TNFAIP6: variants seen among roughly 807,000 people sequenced by gnomAD.
TNFAIP6 encodes tumor necrosis factor-inducible gene 6 protein.
In TNFAIP6, 36 loss-of-function variants were observed where a neutral mutation model predicts 33.7. That is an observed-to-expected ratio of 1.07 (90% CI 0.82 to 1.41). The LOEUF is 1.41. Among genes scored for constraint, TNFAIP6 ranks in the 40% most tolerant of loss-of-function variants. The pLI, the probability that TNFAIP6 is intolerant of heterozygous loss-of-function variation, is 0.00. For missense variants in TNFAIP6, 273 were observed against 331.9 expected (o/e 0.82, Z 1.38); for synonymous variants, 113 against 112.8 (o/e 1.00, Z -0.01).
chr2:151,379,397 C>CT lies in TNFAIP6; in HGVS notation c.700dup (p.Ser234PhefsTer34), dbSNP rs752022542. 6.9e-6 allele frequency: 11 copies of CT among 1,603,972 alleles called. No individual in the cohort carries two copies. Among genetic ancestry groups the CT allele is most frequent in the Non-Finnish European group, 9.3e-6 (11 of 1,176,568 alleles). Reference sequence around the variant, plus strand: ...ATGACCTTGAAGTTTCTAAGTGATGCTTCAGTGACAGCTGGAGGTTTCCAA... The same window carrying CT: ...ATGACCTTGAAGTTTCTAAGTGATGCTTTCAGTGACAGCTGGAGGTTTCCAA... On this transcript the variant is annotated frameshift_variant, in exon 6 of 6. Coordinates refer to ENST00000243347, the MANE Select transcript of TNFAIP6 (RefSeq NM_007115.4). LOFTEE classifies it high-confidence loss of function.
chr2:151,367,857 A>G (rs1376971224), intron 3 of TNFAIP6, among the ~76,000 whole-genome samples: 1 of 144,470 alleles, frequency 6.9e-6, no homozygotes, highest in East Asian at 2.0e-4. Context: ...TCACTGGAAT[A>G]AAAAAAAAAA....
At position 151,370,220 on chromosome 2, in the gene TNFAIP6, T is replaced by TA. The variant is rs1684791702; in HGVS notation, c.596dup (p.Tyr199Ter). ...LADYVEIYDS[Y>*]DDVHGFVGRY... is the part of the protein sequence containing the mutation. Reference sequence around the variant, plus strand: ...TGATTATGTTGAAATATATGACAGTTACGATGATGTCCATGGCTTTGTGGG... The same window carrying TA: ...TGATTATGTTGAAATATATGACAGTTAACGATGATGTCCATGGCTTTGTGGG... The change falls in exon 4 of 6, where the codon TAC (tyrosine) becomes TAAC (stop). Residue 199 changes from tyrosine (Y) to a stop codon, truncating the protein, a stop_gained and frameshift_variant. Coordinates refer to ENST00000243347, the MANE Select transcript of TNFAIP6 (RefSeq NM_007115.4). LOFTEE classifies it high-confidence loss of function. The TA allele has an allele frequency of 6.2e-7, 1 of 1,613,988 alleles. No homozygotes were observed. The highest frequency in any genetic ancestry group is 8.5e-7 in the Non-Finnish European group (1 of 1,179,992).
chr2:151,378,675 G>A (rs1232209385), intron 5 of TNFAIP6, among the ~76,000 whole-genome samples: 3 of 151,724 alleles, frequency 2.0e-5, no homozygotes, highest in African/African-American at 7.3e-5. Context: ...TTTTAATAGA[G>A]ACGGGGATTC....
chr2:151,358,286 C>A (rs369417436), intron 1 of TNFAIP6, among the ~76,000 whole-genome samples: 3 of 152,296 alleles, frequency 2.0e-5, no homozygotes, highest in Admixed American at 1.3e-4. Context: ...AAAAATGTTT[C>A]TCCTTCTGAA....
At chr2:151,370,935 G>T (rs191187863) in intron 4 of TNFAIP6, among the ~76,000 whole-genome samples, 2 of 152,042 alleles carry the variant, frequency 1.3e-5, no homozygotes, top group Non-Finnish European at 2.9e-5. Context: ...GCCGGGCGTG[G>T]TGGCAGGCGC....
rs199993884 is a variant in TNFAIP6, at chr2:151,374,974, A to C, written c.664+1385A>C. Among the ~76,000 whole-genome samples the C allele has an allele frequency of 8.5e-5, 13 of 152,130 alleles. No individual in the cohort carries two copies. The East Asian group carries it at 2.5e-3, about 29-fold the overall frequency. On this transcript the variant is annotated intron_variant, in intron 5 of 5. Transcript: ENST00000243347. Reference sequence around the variant, plus strand: ...AACACCGTCTCTACCAGAAATACAAAATTAGCCAGGCGTGGAGGCACATGC... The same window carrying C: ...AACACCGTCTCTACCAGAAATACAACATTAGCCAGGCGTGGAGGCACATGC...
At position 151,357,598 on chromosome 2, in the gene TNFAIP6, A is replaced by T. The variant is rs1035152486; in HGVS notation, c.-69A>T. ...TGTGGAAACCAGATGTTTCAGTCAC[A>T]TTTCAGCCACTGCTCTGAGAATTTG... On this transcript the variant is annotated 5_prime_UTR_variant, in exon 1 of 6. Coordinates refer to ENST00000243347, the MANE Select transcript of TNFAIP6 (RefSeq NM_007115.4). 1 of 973,498 alleles carries T rather than the reference A, an allele frequency of 1.0e-6. No homozygotes were observed. The highest frequency in any genetic ancestry group is 1.7e-6 in the Non-Finnish European group (1 of 602,244). The allele number at this position is 973,498 out of a possible 1,614,324, so 60.3% of individuals were successfully genotyped here.
intron 1 of TNFAIP6, among the ~76,000 whole-genome samples, chr2:151,359,517 T>C (rs965926322): frequency 4.6e-5 from 7 of 151,696 alleles, no homozygotes; most frequent in African/African-American, 1.7e-4. Flanking sequence ...GCCTCCCAAG[T>C]AGCTGGGACT....
Position 151,366,052 on chromosome 2 carries a change from G to T in TNFAIP6, c.233-4G>T, listed in dbSNP as rs1684703510. The T allele has an allele frequency of 6.2e-7, 1 of 1,613,130 alleles. No homozygotes were observed. Among genetic ancestry groups the T allele is most frequent in the South Asian group, 1.1e-5 (1 of 91,022 alleles). On this transcript the variant is annotated splice_polypyrimidine_tract_variant and splice_region_variant and intron_variant, in intron 2 of 5. Transcript: ENST00000243347. The stretch of plus-strand genomic sequence containing the variant: ...TTAGTCCATAACTCTTTTTCTTCTT[G>T]CAGGATTTCATGTCTGTGCTGCTGG...
At position 151,373,541 on chromosome 2, in the gene TNFAIP6, C is replaced by A; in HGVS notation, c.624-8C>A. ...TGTGACATCTCTTTTCTAAAAATTC[C>A]TTTTCAGATACTGTGGAGATGAGCT... On this transcript the variant is annotated splice_polypyrimidine_tract_variant and splice_region_variant and intron_variant, in intron 4 of 5. Coordinates refer to ENST00000243347, the MANE Select transcript of TNFAIP6 (RefSeq NM_007115.4). 1 of 1,530,946 alleles carries A rather than the reference C, an allele frequency of 6.5e-7. No individual in the cohort carries two copies. The highest frequency in any genetic ancestry group is 8.8e-7 in the Non-Finnish European group (1 of 1,131,476). 94.8% of individuals were successfully genotyped at this position (1,530,946 alleles called of 1,614,324 possible). A position where few individuals can be genotyped will look rare whatever the true frequency, so the allele number is the denominator to read the frequency against.
At chr2:151,370,935 G>A (rs191187863) in intron 4 of TNFAIP6, among the ~76,000 whole-genome samples, 1 of 152,160 alleles carries the variant, frequency 6.6e-6, no homozygotes, top group Admixed American at 6.5e-5. Flanking sequence ...GCCGGGCGTG[G>A]TGGCAGGCGC....
chr2:151,359,951 A>C (rs1309197317), intron 1 of TNFAIP6, among the ~76,000 whole-genome samples: 1 of 152,234 alleles, frequency 6.6e-6, no homozygotes, highest in Non-Finnish European at 1.5e-5. Context: ...GGATCATGAG[A>C]ATAAAAAATG....
At chr2:151,366,270 A>G (rs949276156) in intron 3 of TNFAIP6, 53 bp downstream of exon 3, 3 of 1,530,406 alleles carry the variant, frequency 2.0e-6, no homozygotes, top group African/African-American at 2.8e-5. Flanking sequence ...CATGCTGCTA[A>G]GAGGTTGTTA....
rs1330074240 is a variant in TNFAIP6, at chr2:151,370,114, G to T, written c.489G>T (p.Trp163Cys). The change falls in exon 4 of 6, where the codon TGG (tryptophan) becomes TGT (cysteine). Residue 163 changes from tryptophan (W) to cysteine (C), a missense_variant. Physicochemically the swap from Trp to Cys is radical, Grantham distance 215 (BLOSUM62 -2). Transcript: ENST00000243347. ...NEYEDNQICY[W>C]HIRLKYGQRI... ...ACGAAGATAACCAAATCTGCTACTG[G>T]CACATTAGACTCAAGTATGGTCAGC... 1 of 1,613,998 alleles carries T rather than the reference G, an allele frequency of 6.2e-7. No individual in the cohort carries two copies. The highest frequency in any genetic ancestry group is 8.5e-7 in the Non-Finnish European group (1 of 1,179,984).
In TNFAIP6 at chr2:151,367,535, C is replaced by T. The variant is rs138456732; in HGVS notation, c.394+1318C>T. 1.8e-3 allele frequency among the ~76,000 whole-genome samples: 270 copies of T among 152,184 alleles called. 1 individual carries two copies. Among genetic ancestry groups the T allele is most frequent in the African/African-American group, 6.1e-3 (255 of 41,516 alleles). On this transcript the variant is annotated intron_variant, in intron 3 of 5. Transcript: ENST00000243347. ...GATAAACTTTAGGATCTCTGAGCTTCCACTGGATAATTTCCATAGATTAAA... is the reference window on the plus strand; with the variant it reads ...GATAAACTTTAGGATCTCTGAGCTTTCACTGGATAATTTCCATAGATTAAA...
intron 1 of TNFAIP6, among the ~76,000 whole-genome samples, chr2:151,359,028 T>G (rs1684579753): frequency 6.6e-6 from 1 of 152,202 alleles, no homozygotes. Context: ...AGAGTTGTCT[T>G]TTAAAGTGTT....
At chr2:151,369,233 T>C (rs1305811718) in intron 3 of TNFAIP6, among the ~76,000 whole-genome samples, 1 of 152,138 alleles carries the variant, frequency 6.6e-6, no homozygotes, top group Non-Finnish European at 1.5e-5. Context: ...ACAAAAGACT[T>C]GTTATGTTAT....
At chr2:151,377,201 G>T (rs1041493566) in intron 5 of TNFAIP6, among the ~76,000 whole-genome samples, 22 of 148,898 alleles carry the variant, frequency 1.5e-4, no homozygotes, top group Non-Finnish European at 2.2e-4. Flanking sequence ...AGTGAGTCTC[G>T]CTCTGTCGCC....
At chr2:151,364,625 T>C (rs1004063291) in intron 2 of TNFAIP6, among the ~76,000 whole-genome samples, 1 of 152,184 alleles carries the variant, frequency 6.6e-6, no homozygotes, top group Non-Finnish European at 1.5e-5. Flanking sequence ...ACTGGGAAGA[T>C]GGTATCAGAA....
Sources: gnomAD v4.1 joint callset for allele counts (sites outside exome capture counted in the v4.1 genomes callset) on GRCh38, gnomAD v4.1.1 for gene constraint, MANE v1.5 for transcripts, NCBI Gene and HGNC (gene_info 2026-07-23, HGNC 2026-07-21) for gene names.